SERPINA12: variants seen among roughly 807,000 people sequenced by gnomAD.
SERPINA12 encodes serpin A12.
In SERPINA12, 21 loss-of-function variants were observed where a neutral mutation model predicts 25.9. The ratio of observed to expected loss-of-function variants is 0.81; its 90% CI spans 0.58 to 1.17. The LOEUF (loss-of-function observed/expected upper bound fraction) is 1.17. Ranked by LOEUF, SERPINA12 falls within the 50% of genes most tolerant of loss-of-function variation. The probability of loss-of-function intolerance (pLI) is 0.00; values close to 1 mark genes in which losing one functional copy is unlikely to be tolerated. For missense variants in SERPINA12, 562 were observed against 508.3 expected, an observed-to-expected ratio of 1.11 and a Z score of -1.02; for synonymous variants, 220 against 196.0, an observed-to-expected ratio of 1.12 and a Z score of -1.02.
intron 2 of SERPINA12, 104 bp from the exon 3 acceptor site, chr14:94,496,747 G>C (rs1900443850): frequency 4.4e-6 from 4 of 905,036 alleles, no homozygotes; most frequent in Admixed American, 2.3e-5. Flanking sequence ...GGGTGAAAGG[G>C]GATATTCCGG....
upstream of SERPINA12, among the ~76,000 whole-genome samples, chr14:94,514,102 A>C (rs1901173153): frequency 2.6e-5 from 4 of 152,238 alleles, no homozygotes; most frequent in South Asian, 8.3e-4. Flanking sequence ...AGGCTGAGAT[A>C]ATTCGTGCAA....
chr14:94,514,310 G>A (rs1901178631), upstream of SERPINA12, among the ~76,000 whole-genome samples: 1 of 152,202 alleles, frequency 6.6e-6, no homozygotes, highest in Admixed American at 6.5e-5. Context: ...CCCCCTCCCA[G>A]CCACAGCTAT....
In SERPINA12 at chr14:94,498,161, G is replaced by C. The variant is rs774910080; in HGVS notation, c.237C>G (p.Ile79Met). The change falls in exon 2 of 5, where the codon ATC becomes ATG. Residue 79 changes from isoleucine (I) to methionine (M), a missense_variant. By Grantham distance (10) the Ile-to-Met change is conservative (BLOSUM62 1). Transcript: ENST00000677451. ...GGCACAGCATGGAGAAAGCTGTAGA[G>C]ATGCTCAAGGGGGATAGGAAGATGT... ...GRNIFLSPLSISTAFSMLCLG... is the reference protein window; with the variant it reads ...GRNIFLSPLSMSTAFSMLCLG... 1.9e-6 allele frequency: 3 copies of C among 1,614,056 alleles called. No homozygotes were observed. The Admixed American group carries it at 5.0e-5, about 27-fold the overall frequency.
chr14:94,511,491 A>G, upstream of SERPINA12: 10 of 985,462 alleles, frequency 1.0e-5, no homozygotes, highest in Non-Finnish European at 1.2e-5. Flanking sequence ...AACTGTCTGC[A>G]TGCCTCACAT....
In SERPINA12 at chr14:94,498,337, G is replaced by C; in HGVS notation, c.61C>G (p.Leu21Val). 1.9e-6 allele frequency: 3 copies of C among 1,614,190 alleles called. No individual in the cohort carries two copies. Among genetic ancestry groups the C allele is most frequent in the Non-Finnish European group, 2.5e-6 (3 of 1,180,038 alleles). The change falls in exon 2 of 5, where the codon CTA becomes GTA. Residue 21 changes from leucine to valine, a missense_variant. Coordinates refer to ENST00000677451, the MANE Select transcript of SERPINA12 (RefSeq NM_001382267.1). Reference protein sequence around the residue: ...LAVLLTVKGLLKPSFSPRNYK... With the variant: ...LAVLLTVKGLVKPSFSPRNYK... The stretch of plus-strand genomic sequence containing the variant: ...TTCCTTGGTGAGAAGCTCGGCTTTA[G>C]AAGACCTTTCACCGTGAGGAGAACA...
chr14:94,502,171 G>A (rs1032977254), intron 1 of SERPINA12, among the ~76,000 whole-genome samples: 5 of 151,936 alleles, frequency 3.3e-5, no homozygotes, highest in African/African-American at 9.7e-5. Context: ...TGGGACACAT[G>A]AAGCTATAGT....
chr14:94,489,564 G>A (rs995972428), intron 4 of SERPINA12, 56 bp downstream of exon 4: 52 of 1,583,266 alleles, frequency 3.3e-5, no homozygotes, highest in East Asian at 1.8e-4. Context: ...CTCTGGCCCC[G>A]GCTGGGGGAA....
At chr14:94,513,645 G>A (rs1901162509), upstream of SERPINA12, among the ~76,000 whole-genome samples, 1 of 152,216 alleles carries the variant, frequency 6.6e-6, no homozygotes, top group Non-Finnish European at 1.5e-5. Context: ...TGCACAGGCT[G>A]CTCTGTGACT....
At chr14:94,511,593 A>C, upstream of SERPINA12, 1 of 985,354 alleles carries the variant, frequency 1.0e-6, no homozygotes, top group Non-Finnish European at 1.2e-6. Context: ...AACCGACACC[A>C]CCTTCAGTTT....
intron 2 of SERPINA12, 146 bp from the exon 3 acceptor site, chr14:94,496,789 G>A: frequency 1.5e-6 from 1 of 678,122 alleles, no homozygotes. Flanking sequence ...CTCATGCCAT[G>A]TCCTGGAGAT....
rs754247219 is a variant in SERPINA12 at position 94,496,467 on chromosome 14, T to C, written c.811A>G (p.Ile271Val). The C allele has an allele frequency of 2.5e-6, 4 of 1,614,190 alleles. No individual in the cohort carries two copies. Among genetic ancestry groups the C allele is most frequent in the South Asian group, 1.1e-5 (1 of 91,076 alleles). ...TTGCCCTCATCAGGAAGGATGAAGA[T>C]GGCTGTGATATTTTTCTGGTAGGGT... is the stretch of plus-strand genomic sequence containing the variant. The part of the protein sequence containing the change: ...EIPYQKNITA[I>V]FILPDEGKLK... The change falls in exon 3 of 5, where the codon ATC becomes GTC. Residue 271 changes from isoleucine to valine, a missense_variant. Coordinates refer to ENST00000677451, the MANE Select transcript of SERPINA12 (RefSeq NM_001382267.1).
At chr14:94,514,075 AC>A (rs1311294240), upstream of SERPINA12, among the ~76,000 whole-genome samples, 3 of 151,896 alleles carry the variant, frequency 2.0e-5, no homozygotes, top group African/African-American at 7.3e-5. Context: ...GGGCAATCAT[AC>A]CTCCCCACTG....
chr14:94,512,573 C>T (rs1403877038), upstream of SERPINA12, among the ~76,000 whole-genome samples: 2 of 152,148 alleles, frequency 1.3e-5, no homozygotes, highest in African/African-American at 2.4e-5. Context: ...CCAAGTCACA[C>T]TCTGCTCACC....
At chr14:94,488,039 C>T (rs1899977663) in intron 4 of SERPINA12, among the ~76,000 whole-genome samples, 1 of 152,154 alleles carries the variant, frequency 6.6e-6, no homozygotes, top group Admixed American at 6.5e-5. Flanking sequence ...ACATTTCTTG[C>T]TAGCCTACAA....
chr14:94,491,168 C>G (rs1900165302), intron 3 of SERPINA12, among the ~76,000 whole-genome samples: 1 of 152,208 alleles, frequency 6.6e-6, no homozygotes, highest in African/African-American at 2.4e-5. Flanking sequence ...GCAAAGATCC[C>G]TGCCCCTGAC....
At position 94,489,706 on chromosome 14, in the gene SERPINA12, G is replaced by C. The variant is rs770051011; in HGVS notation, c.967C>G (p.Leu323Val). The C allele has an allele frequency of 2.5e-6, 4 of 1,614,088 alleles. No individual in the cohort carries two copies. The highest frequency in any genetic ancestry group is 4.5e-5 in the East Asian group (2 of 44,894). Residue 323 changes from leucine (L) to valine (V), a missense_variant, in exon 4 of 5, where the codon CTC becomes GTC. By Grantham distance (32) the Leu-to-Val change is conservative (BLOSUM62 1). Coordinates refer to ENST00000677451, the MANE Select transcript of SERPINA12 (RefSeq NM_001382267.1). Reference protein sequence around the residue: ...MTGTFDLKKTLSYIGVSKIFE... With the variant: ...MTGTFDLKKTVSYIGVSKIFE... ...ATTTTGGAGACACCTATGTAGGAGA[G>C]AGTCTTCTTCAGGTCGAAGGTGCCC... is the stretch of plus-strand genomic sequence containing the variant.
rs75372629 is a variant in SERPINA12 at position 94,500,951 on chromosome 14, G to A, written c.-33-2521C>T. The A allele has an allele frequency of 9.5e-4, 938 of 982,334 alleles. 6 individuals carry two copies. In the African/African-American group the frequency reaches 0.015, roughly 16 times the overall value. 60.9% of individuals were successfully genotyped at this position (982,334 alleles called of 1,614,324 possible). On this transcript the variant is annotated intron_variant, in intron 1 of 4. Coordinates refer to ENST00000677451, the MANE Select transcript of SERPINA12 (RefSeq NM_001382267.1). ...TCTGCTCTCATGCCTTCGTAGCTGT[G>A]TGACATTCCAGAAAGCACTTCCCTC...
intron 1 of SERPINA12, chr14:94,503,103 C>T: frequency 1.3e-6 from 1 of 759,342 alleles, no homozygotes; most frequent in Non-Finnish European, 1.6e-6. Flanking sequence ...TGTGGCTCAC[C>T]TGTTTTAAAG....
intron 3 of SERPINA12, among the ~76,000 whole-genome samples, chr14:94,495,317 C>T (rs1236808042): frequency 6.6e-6 from 1 of 152,038 alleles, no homozygotes; most frequent in Non-Finnish European, 1.5e-5. Context: ...ATCCGCCCGC[C>T]TCGGCCTCCC....
Sources: allele counts gnomAD v4.1 joint callset (sites outside exome capture counted in the v4.1 genomes callset), GRCh38; gene constraint gnomAD v4.1.1; transcripts MANE v1.5; gene names NCBI Gene and HGNC (gene_info 2026-07-23, HGNC 2026-07-21).